The following BANK1 variants were observed in gnomAD, a reference collection of about 807,000 sequenced individuals.
BANK1 encodes the protein B-cell scaffold protein with ankyrin repeats.
BANK1 carries 95 observed loss-of-function variants against 94.5 expected under a neutral mutation model. The ratio of observed to expected loss-of-function variants is 1.00; its 90% CI spans 0.85 to 1.19. BANK1 has a LOEUF of 1.19. BANK1 is among the 50% of genes most tolerant of loss of function. The pLI, the probability that BANK1 is intolerant of heterozygous loss-of-function variation, is 0.00. For synonymous variants in BANK1, 334 were observed against 308.4 expected (o/e 1.08, Z -0.87); for missense variants, 987 against 932.2 (o/e 1.06, Z -0.77).
At chr4:101,896,747 G>C (rs924386977) in intron 6 of BANK1, among the ~76,000 whole-genome samples, 4 of 151,734 alleles carry the variant, frequency 2.6e-5, no homozygotes, top group Non-Finnish European at 4.4e-5. Context: ...TAAACTTGGT[G>C]GTAGTGATTA....
chr4:102,059,188 T>A (rs1341849227), intron 11 of BANK1, among the ~76,000 whole-genome samples: 1 of 152,196 alleles, frequency 6.6e-6, no homozygotes, highest in Non-Finnish European at 1.5e-5. Flanking sequence ...TCTGTTTCTT[T>A]CTTGAAGAGG....
At chr4:101,889,287 C>A (rs1297397669) in intron 5 of BANK1, among the ~76,000 whole-genome samples, 2 of 151,880 alleles carry the variant, frequency 1.3e-5, no homozygotes, top group Non-Finnish European at 1.5e-5. Context: ...TTGTAATCTG[C>A]ATTTTCTCCC....
At chr4:101,848,713 AAAAAC>A (rs1339856489) in intron 2 of BANK1, among the ~76,000 whole-genome samples, 4 of 152,278 alleles carry the variant, frequency 2.6e-5, no homozygotes, top group African/African-American at 9.6e-5. Flanking sequence ...TCGTGATAGT[AAAAAC>A]AAAACAGAAC....
intron 11 of BANK1, among the ~76,000 whole-genome samples, chr4:102,054,041 A>G (rs1171798699): frequency 1.3e-5 from 2 of 152,114 alleles, no homozygotes; most frequent in East Asian, 1.9e-4. Flanking sequence ...ATAAATTCAT[A>G]TCAGTTAAAA....
rs567697718 is a variant in BANK1 at position 101,790,800 on chromosome 4, C to T, written c.-81C>T. On this transcript the variant is annotated 5_prime_UTR_variant, in exon 1 of 17. Coordinates refer to ENST00000322953, the MANE Select transcript of BANK1 (RefSeq NM_017935.5). Reference sequence around the variant, plus strand: ...GCCGAGGGCCAAAGGAAGAGAAAATCGCGGGGAGTCTCTGGCCGGGAGAGT... The same window carrying T: ...GCCGAGGGCCAAAGGAAGAGAAAATTGCGGGGAGTCTCTGGCCGGGAGAGT... 5.6e-5 allele frequency: 79 copies of T among 1,401,238 alleles called. No homozygotes were observed. In the African/African-American group the frequency reaches 9.7e-4, roughly 17 times the overall value. 86.8% of individuals were successfully genotyped at this position (1,401,238 alleles called of 1,614,324 possible).
intron 7 of BANK1, among the ~76,000 whole-genome samples, chr4:102,015,627 T>TCC (rs1726670493): frequency 6.6e-6 from 1 of 152,166 alleles, no homozygotes; most frequent in African/African-American, 2.4e-5. Flanking sequence ...GAAAAGACGG[T>TCC]TGTAAACAAT....
intron 5 of BANK1, among the ~76,000 whole-genome samples, chr4:101,878,063 A>AC (rs1324530148): frequency 6.6e-6 from 1 of 152,112 alleles, no homozygotes. Flanking sequence ...CAAAACAACC[A>AC]AAAAAACAAA....
chr4:101,905,327 T>C (rs984764841), intron 6 of BANK1, among the ~76,000 whole-genome samples: 1 of 151,950 alleles, frequency 6.6e-6, no homozygotes, highest in Non-Finnish European at 1.5e-5. Flanking sequence ...ATAAATCTAC[T>C]GTGGCACTAC....
intron 6 of BANK1, among the ~76,000 whole-genome samples, chr4:101,904,028 C>G (rs955413122): frequency 6.6e-6 from 1 of 152,108 alleles, no homozygotes; most frequent in Non-Finnish European, 1.5e-5. Context: ...AATTGCTTGC[C>G]CCACAAACGT....
intron 7 of BANK1, among the ~76,000 whole-genome samples, chr4:101,995,002 A>G (rs1431174764): frequency 6.6e-6 from 1 of 152,018 alleles, no homozygotes; most frequent in East Asian, 1.9e-4. Flanking sequence ...AGAACGTGCC[A>G]GTTTGTTGCA....
At chr4:102,055,341 A>G (rs1394992926) in intron 11 of BANK1, among the ~76,000 whole-genome samples, 1 of 152,028 alleles carries the variant, frequency 6.6e-6, no homozygotes, top group Non-Finnish European at 1.5e-5. Context: ...TTTTTAAAAA[A>G]TCTTATAAAA....
chr4:101,914,823 G>A lies in BANK1; in HGVS notation c.1010-3170G>A, dbSNP rs569529853. Among the ~76,000 whole-genome samples the A allele has an allele frequency of 3.9e-5, 6 of 152,206 alleles. No individual in the cohort carries two copies. The South Asian group carries it at 1.2e-3, about 32-fold the overall frequency. On this transcript the variant is annotated intron_variant, in intron 6 of 16. Transcript: ENST00000322953. The stretch of plus-strand genomic sequence containing the variant: ...TTCAAGTGCTTAGAAATACTACACA[G>A]CACTTCAGCACTGTACTTGGGGGCC...
intron 7 of BANK1, among the ~76,000 whole-genome samples, chr4:101,967,893 CA>C (rs1407403614): frequency 1.3e-5 from 2 of 151,992 alleles, no homozygotes; most frequent in African/African-American, 4.8e-5. Context: ...TAAGATTCAA[CA>C]GCATAAAACT....
At chr4:101,924,689 T>G (rs1447542209) in intron 7 of BANK1, among the ~76,000 whole-genome samples, 1 of 151,816 alleles carries the variant, frequency 6.6e-6, no homozygotes, top group Non-Finnish European at 1.5e-5. Context: ...ATAAACAGAT[T>G]ATTGCATTAT....
At chr4:101,910,899 A>G (rs1038279458) in intron 6 of BANK1, among the ~76,000 whole-genome samples, 6 of 152,144 alleles carry the variant, frequency 3.9e-5, no homozygotes, top group Non-Finnish European at 1.5e-5. Context: ...CACAGCCCAC[A>G]CTCTCAGAGG....
intron 13 of BANK1, among the ~76,000 whole-genome samples, chr4:102,064,879 G>T (rs2067597275): frequency 6.6e-6 from 1 of 152,214 alleles, no homozygotes; most frequent in African/African-American, 2.4e-5. Flanking sequence ...AGAAGACAGA[G>T]ATCTTAGTTC....
intron 3 of BANK1, among the ~76,000 whole-genome samples, chr4:101,861,154 G>A (rs1027386929): frequency 3.3e-5 from 5 of 152,162 alleles, no homozygotes; most frequent in African/African-American, 7.2e-5. Flanking sequence ...CCCGATGAGC[G>A]TTGTAAATTC....
At chr4:101,929,168 A>G (rs1268781316) in intron 7 of BANK1, among the ~76,000 whole-genome samples, 2 of 125,974 alleles carry the variant, frequency 1.6e-5, no homozygotes, top group Non-Finnish European at 1.8e-5. Flanking sequence ...TCTCATCACT[A>G]TACTATTATC....
chr4:101,839,937 A>ATTTATTTATTTTTTT (rs1726969190), intron 2 of BANK1, among the ~76,000 whole-genome samples: 1 of 53,036 alleles, frequency 1.9e-5, no homozygotes, highest in African/African-American at 7.5e-5. Flanking sequence ...CAAATATTTA[A>ATTTATTTATTTTTTT]TTTTTTTTTT....
Sources: gnomAD v4.1 joint callset for allele counts (sites outside exome capture counted in the v4.1 genomes callset) on GRCh38, gnomAD v4.1.1 for gene constraint, MANE v1.5 for transcripts, NCBI Gene and HGNC (gene_info 2026-07-23, HGNC 2026-07-21) for gene names.